Variants in PLCL1 observed in about 807,000 individuals in gnomAD.
PLCL1 encodes the protein inactive phospholipase C-like protein 1.
A neutral mutation model predicts 84.4 loss-of-function variants in PLCL1; 41 were observed. That is an observed-to-expected ratio of 0.49 (90% CI 0.38 to 0.63). The LOEUF is 0.63. Among genes scored for constraint, PLCL1 ranks in the 30% least tolerant of loss-of-function variants. The pLI is 0.00. For missense variants in PLCL1, 1,206 were observed against 1,367.8 expected (o/e 0.88, Z 1.87); for synonymous variants, 490 against 488.3 (o/e 1.00, Z -0.05).
At chr2:198,021,460 G>T (rs1274372762) in intron 1 of PLCL1, among the ~76,000 whole-genome samples, 3 of 152,124 alleles carry the variant, frequency 2.0e-5, no homozygotes, top group African/African-American at 7.2e-5. Flanking sequence ...GAATCCAGGA[G>T]CTGTTTTTGT....
In PLCL1 at chr2:197,945,123, G is replaced by A. The variant is rs75986145; in HGVS notation, c.241-138635G>A. On this transcript the variant is annotated intron_variant, in intron 1 of 5. Coordinates refer to ENST00000428675, the MANE Select transcript of PLCL1 (RefSeq NM_006226.4). ...ATCTAATTTATAGCATAAGATCCTG[G>A]GAAGTACTTTTTGACCTTGCTATAT... Among the ~76,000 whole-genome samples the A allele has an allele frequency of 7.2e-3, 1,100 of 152,164 alleles. 5 individuals are homozygous for A. The highest frequency in any genetic ancestry group is 0.012 in the Non-Finnish European group (806 of 68,016).
At chr2:198,012,628 A>T (rs1483158185) in intron 1 of PLCL1, among the ~76,000 whole-genome samples, 2 of 149,748 alleles carry the variant, frequency 1.3e-5, no homozygotes, top group Admixed American at 6.6e-5. Context: ...TTTGTCCCTC[A>T]TTTCTTCTCT....
rs923094592 is a variant in PLCL1, at chr2:197,976,743, G to A, written c.241-107015G>A. ...ATTACAGGCATGAGCCACTGTGCCC[G>A]GCCAAAGAACTTTATTTCTAATTCA... On this transcript the variant is annotated intron_variant, in intron 1 of 5. Transcript: ENST00000428675. 5.9e-5 allele frequency among the ~76,000 whole-genome samples: 9 copies of A among 152,154 alleles called. No individual in the cohort carries two copies. The South Asian group carries it at 1.2e-3, about 21-fold the overall frequency.
intron 1 of PLCL1, among the ~76,000 whole-genome samples, chr2:198,060,669 A>G (rs950074294): frequency 6.6e-6 from 1 of 152,206 alleles, no homozygotes; most frequent in African/African-American, 2.4e-5. Context: ...AAACTTTTCT[A>G]TAGAACTTTT....
chr2:197,940,506 G>A (rs1296946512), intron 1 of PLCL1, among the ~76,000 whole-genome samples: 1 of 152,178 alleles, frequency 6.6e-6, no homozygotes, highest in Admixed American at 6.5e-5. Context: ...CAATTTCTGT[G>A]TTTTGAAGTA....
At chr2:198,092,142 C>G (rs1693060269) in intron 3 of PLCL1, among the ~76,000 whole-genome samples, 1 of 151,914 alleles carries the variant, frequency 6.6e-6, no homozygotes, top group African/African-American at 2.4e-5. Context: ...CCTCACTTGC[C>G]TCTCTCACCT....
Position 197,890,611 on chromosome 2 carries a change from G to A in PLCL1, c.240+85272G>A, listed in dbSNP as rs954391530. Among the ~76,000 whole-genome samples the A allele has an allele frequency of 2.7e-5, 4 of 148,814 alleles. No homozygotes were observed. In the East Asian group the frequency reaches 5.8e-4, roughly 22 times the overall value. On this transcript the variant is annotated intron_variant, in intron 1 of 5. Transcript: ENST00000428675. ...AACCTACCACCCAGAGATAACCACC[G>A]TTAACATTTTGGTGTATATTCTCCA...
Position 197,804,996 on chromosome 2 carries a change from C to G in PLCL1, c.-104C>G. 1 of 1,320,044 alleles carries G rather than the reference C, an allele frequency of 7.6e-7. No homozygotes were observed. Among genetic ancestry groups the G allele is most frequent in the Non-Finnish European group, 9.9e-7 (1 of 1,013,912 alleles). 81.8% of individuals were successfully genotyped at this position (1,320,044 alleles called of 1,614,324 possible). A position where few individuals can be genotyped will look rare whatever the true frequency, so the allele number is the denominator to read the frequency against. ...CCGCCGCTGGGCGGTGAAACAAAGT[C>G]TGGCGGGGCCGCCTCCCGGTGCAGG... On this transcript the variant is annotated 5_prime_UTR_variant, in exon 1 of 6. Coordinates refer to ENST00000428675, the MANE Select transcript of PLCL1 (RefSeq NM_006226.4).
At chr2:198,079,819 GA>G (rs1462107546) in intron 1 of PLCL1, among the ~76,000 whole-genome samples, 5 of 152,172 alleles carry the variant, frequency 3.3e-5, no homozygotes, top group Non-Finnish European at 7.3e-5. Context: ...TTAGGAAGTA[GA>G]AAGGATTGAA....
At chr2:197,841,277 C>T (rs1484604709) in intron 1 of PLCL1, among the ~76,000 whole-genome samples, 1 of 152,140 alleles carries the variant, frequency 6.6e-6, no homozygotes, top group Non-Finnish European at 1.5e-5. Context: ...GTTGTCCATT[C>T]TGTGGGTTTT....
At chr2:198,135,318 C>T (rs1274486515) in intron 5 of PLCL1, among the ~76,000 whole-genome samples, 4 of 152,104 alleles carry the variant, frequency 2.6e-5, no homozygotes, top group Non-Finnish European at 5.9e-5. Flanking sequence ...TACTAAATTT[C>T]ATTTGAAATG....
chr2:198,133,696 T>G (rs1020041817), intron 5 of PLCL1, among the ~76,000 whole-genome samples: 5 of 152,150 alleles, frequency 3.3e-5, no homozygotes, highest in African/African-American at 9.7e-5. Context: ...ATGTTTGTCT[T>G]TCTGAGTGAG....
chr2:197,950,472 T>C (rs1689367370), intron 1 of PLCL1, among the ~76,000 whole-genome samples: 1 of 152,112 alleles, frequency 6.6e-6, no homozygotes, highest in Admixed American at 6.6e-5. Flanking sequence ...TCAAAGACCA[T>C]ATATTGCATG....
intron 1 of PLCL1, among the ~76,000 whole-genome samples, chr2:197,850,928 CATT>C (rs1687223743): frequency 6.6e-6 from 1 of 152,188 alleles, no homozygotes; most frequent in Admixed American, 6.5e-5. Flanking sequence ...CATAAACAAA[CATT>C]ATCACAAACT....
At position 197,834,682 on chromosome 2, in the gene PLCL1, C is replaced by T. The variant is rs186868411; in HGVS notation, c.240+29343C>T. On this transcript the variant is annotated intron_variant, in intron 1 of 5. Coordinates refer to ENST00000428675, the MANE Select transcript of PLCL1 (RefSeq NM_006226.4). ...TGCAGAGGATATGGAGAAATAGGAACGCTTGTACACTGTTGGTGGGAGTGT... is the reference window on the plus strand; with the variant it reads ...TGCAGAGGATATGGAGAAATAGGAATGCTTGTACACTGTTGGTGGGAGTGT... Among the ~76,000 whole-genome samples the T allele has an allele frequency of 4.4e-3, 673 of 152,266 alleles. 5 individuals carry two copies. Among genetic ancestry groups the T allele is most frequent in the African/African-American group, 0.015 (639 of 41,546 alleles).
At chr2:197,820,309 C>G (rs931263596) in intron 1 of PLCL1, among the ~76,000 whole-genome samples, 2 of 152,072 alleles carry the variant, frequency 1.3e-5, no homozygotes, top group Non-Finnish European at 2.9e-5. Context: ...AACTTAGTGG[C>G]TTAAAACAGC....
chr2:197,975,538 G>A (rs1056741545), intron 1 of PLCL1, among the ~76,000 whole-genome samples: 2 of 152,064 alleles, frequency 1.3e-5, no homozygotes, highest in South Asian at 4.2e-4. Flanking sequence ...TAAGGGCCAG[G>A]CACCCCTGCA....
intron 1 of PLCL1, among the ~76,000 whole-genome samples, chr2:197,972,034 C>T (rs1482270396): frequency 2.6e-5 from 4 of 152,206 alleles, no homozygotes. Flanking sequence ...TAGTATCCTC[C>T]TCCCTGGGTT....
At chr2:197,826,244 A>G (rs1690925441) in intron 1 of PLCL1, among the ~76,000 whole-genome samples, 1 of 152,190 alleles carries the variant, frequency 6.6e-6, no homozygotes, top group Non-Finnish European at 1.5e-5. Flanking sequence ...ATGTTTGTGA[A>G]TATGGACCAC....
Sources: allele counts gnomAD v4.1 joint callset (sites outside exome capture counted in the v4.1 genomes callset), GRCh38; gene constraint gnomAD v4.1.1; transcripts MANE v1.5; gene names NCBI Gene and HGNC (gene_info 2026-07-23, HGNC 2026-07-21).